EXOC4: variants seen among roughly 807,000 people sequenced by gnomAD.
EXOC4 encodes the protein exocyst complex component 4.
EXOC4 carries 71 observed loss-of-function variants against 107.2 expected under a neutral mutation model. The ratio of observed to expected loss-of-function variants is 0.66; its 90% confidence interval spans 0.55 to 0.81. The LOEUF (loss-of-function observed/expected upper bound fraction) is 0.81. EXOC4 is among the 30% of genes least tolerant of loss of function. The probability of loss-of-function intolerance (pLI) is 0.00; values close to 1 mark genes in which losing one functional copy is unlikely to be tolerated. For missense variants in EXOC4, 1,108 were observed against 1,189.6 expected, an observed-to-expected ratio of 0.93 and a Z score of 1.01; for synonymous variants, 456 against 441.2, an observed-to-expected ratio of 1.03 and a Z score of -0.42.
intron 1 of EXOC4, among the ~76,000 whole-genome samples, chr7:133,264,754 A>G (rs1793683057): frequency 6.6e-6 from 1 of 152,172 alleles, no homozygotes; most frequent in Admixed American, 6.6e-5. Context: ...ACTATTTGTC[A>G]TATACAAAAT....
intron 17 of EXOC4, among the ~76,000 whole-genome samples, chr7:134,061,844 C>T (rs932699290): frequency 6.6e-6 from 1 of 152,160 alleles, no homozygotes; most frequent in Non-Finnish European, 1.5e-5. Flanking sequence ...ATGCTTCTTC[C>T]TGCAGCATCA....
Position 133,600,421 on chromosome 7 carries a change from A to G in EXOC4, c.1418-29624A>G, listed in dbSNP as rs187834349. Among the ~76,000 whole-genome samples, 184 of 152,294 alleles carry G rather than the reference A, an allele frequency of 1.2e-3. 1 individual carries two copies. The highest frequency in any genetic ancestry group is 3.8e-3 in the Admixed American group (58 of 15,286). On this transcript the variant is annotated intron_variant, in intron 9 of 17. Coordinates refer to ENST00000253861, the MANE Select transcript of EXOC4 (RefSeq NM_021807.4). ...TTGGACACTTAGTAGCTACGTTATT[A>G]TAAGCTATTATTTACATAGACCTAT... is the stretch of plus-strand genomic sequence containing the variant.
At chr7:133,872,945 TCTC>T (rs1798778867) in intron 11 of EXOC4, among the ~76,000 whole-genome samples, 1 of 152,258 alleles carries the variant, frequency 6.6e-6, no homozygotes, top group Admixed American at 6.5e-5. Context: ...CTATCTCTGT[TCTC>T]CTCCGCAGTC....
chr7:134,099,467 G>T, the EXOC4 span, among the ~76,000 whole-genome samples: 1 of 147,514 alleles, frequency 6.8e-6, no homozygotes, highest in Non-Finnish European at 1.5e-5. Context: ...AGGCCTTCTA[G>T]TTCCCCCCAG....
At chr7:133,751,579 A>T (rs1346533043) in intron 10 of EXOC4, among the ~76,000 whole-genome samples, 1 of 152,140 alleles carries the variant, frequency 6.6e-6, no homozygotes, top group Non-Finnish European at 1.5e-5. Flanking sequence ...TAGGTAGATG[A>T]TGTAAGTGAG....
chr7:133,816,851 G>A (rs1049733573), intron 10 of EXOC4, among the ~76,000 whole-genome samples: 4 of 152,122 alleles, frequency 2.6e-5, no homozygotes, highest in East Asian at 1.9e-4. Flanking sequence ...GGTAATGCTC[G>A]CCCAGCTGGC....
intron 17 of EXOC4, among the ~76,000 whole-genome samples, chr7:134,043,812 G>A (rs555531745): frequency 1.3e-5 from 2 of 152,322 alleles, no homozygotes; most frequent in African/African-American, 2.4e-5. Context: ...AAGAGAGGAG[G>A]CAGGAGATTG....
At chr7:133,856,493 G>C (rs1032068984) in intron 11 of EXOC4, among the ~76,000 whole-genome samples, 1 of 152,220 alleles carries the variant, frequency 6.6e-6, no homozygotes, top group African/African-American at 2.4e-5. Flanking sequence ...CCTTGAGTAT[G>C]GAGAGATTGT....
At chr7:133,822,853 T>G (rs1306128922) in intron 11 of EXOC4, among the ~76,000 whole-genome samples, 1 of 152,226 alleles carries the variant, frequency 6.6e-6, no homozygotes, top group Non-Finnish European at 1.5e-5. Context: ...TCTAATGTTG[T>G]GGGGTTTTAG....
At chr7:133,446,544 C>A (rs6961764) in intron 7 of EXOC4, among the ~76,000 whole-genome samples, 73,123 of 151,962 alleles carry the variant, frequency 0.48, 17,985 homozygotes, top group East Asian at 0.6. Flanking sequence ...GGTCCTCAGT[C>A]CAGCGACCTG....
At chr7:133,741,212 A>G (rs565797675) in intron 10 of EXOC4, among the ~76,000 whole-genome samples, 21 of 152,162 alleles carry the variant, frequency 1.4e-4, no homozygotes, top group Non-Finnish European at 2.6e-4. Flanking sequence ...CCCAGCAGGT[A>G]TCTTCATCTC....
chr7:134,078,212 TAGTG>T, the EXOC4 span, among the ~76,000 whole-genome samples: 1 of 152,082 alleles, frequency 6.6e-6, no homozygotes, highest in Non-Finnish European at 1.5e-5. Flanking sequence ...CCTGTAGTAT[TAGTG>T]AGCTCAGATA....
Position 134,064,520 on chromosome 7 carries a change from A to ACC in EXOC4, c.2918_2919dup (p.Val974ProfsTer10). Reference sequence around the variant, plus strand: ...AGCCACCAAGGACAAGAAGATAACTACCGTTTAGCAGGGCGTACTGCGGTT... The same window carrying ACC: ...AGCCACCAAGGACAAGAAGATAACTACCCCGTTTAGCAGGGCGTACTGCGGTT... On this transcript the variant is annotated frameshift_variant, in exon 18 of 18. Coordinates refer to ENST00000253861, the MANE Select transcript of EXOC4 (RefSeq NM_021807.4). LOFTEE classifies it high-confidence loss of function. The ACC allele has an allele frequency of 6.3e-7, 1 of 1,594,968 alleles. No homozygotes were observed. The highest frequency in any genetic ancestry group is 1.1e-5 in the South Asian group (1 of 88,798).
intron 9 of EXOC4, among the ~76,000 whole-genome samples, chr7:133,571,437 G>T (rs1801021508): frequency 6.6e-6 from 1 of 152,192 alleles, no homozygotes; most frequent in African/African-American, 2.4e-5. Flanking sequence ...CATTTTGAGA[G>T]TCTGAGGCAG....
intron 17 of EXOC4, among the ~76,000 whole-genome samples, chr7:134,053,793 C>A (rs1326576708): frequency 1.3e-5 from 2 of 151,976 alleles, no homozygotes; most frequent in Non-Finnish European, 2.9e-5. Flanking sequence ...CCTCCAACCT[C>A]CTGTCCCTTT....
chr7:133,821,927 G>C (rs999680113), intron 11 of EXOC4, among the ~76,000 whole-genome samples: 2 of 152,192 alleles, frequency 1.3e-5, no homozygotes, highest in East Asian at 1.9e-4. Context: ...CCAGGACATG[G>C]CTGTGTTTTC....
chr7:133,313,822 T>C (rs560593613), intron 4 of EXOC4, among the ~76,000 whole-genome samples: 24 of 152,274 alleles, frequency 1.6e-4, no homozygotes, highest in African/African-American at 5.5e-4. Flanking sequence ...TGTTGTATAC[T>C]TTTCCTGTCC....
intron 7 of EXOC4, among the ~76,000 whole-genome samples, chr7:133,385,483 T>C (rs1172895509): frequency 6.6e-6 from 1 of 152,224 alleles, no homozygotes; most frequent in Non-Finnish European, 1.5e-5. Context: ...TTCACCAGTT[T>C]GATCACATTA....
intron 14 of EXOC4, among the ~76,000 whole-genome samples, chr7:133,977,228 T>C (rs901212571): frequency 1.3e-5 from 2 of 152,156 alleles, no homozygotes; most frequent in African/African-American, 4.8e-5. Flanking sequence ...TTCTAGAAAA[T>C]AGTAGAGAAA....
Sources: allele counts gnomAD v4.1 joint callset (sites outside exome capture counted in the v4.1 genomes callset), GRCh38; gene constraint gnomAD v4.1.1; transcripts MANE v1.5; gene names NCBI Gene and HGNC (gene_info 2026-07-23, HGNC 2026-07-21).